The following ZFHX3 variants were observed in gnomAD, a reference collection of about 807,000 sequenced individuals.
ZFHX3 encodes zinc finger homeobox 3.
In ZFHX3, 42 loss-of-function variants were observed where a neutral mutation model predicts 279.1. That is an observed-to-expected ratio of 0.15 (90% CI 0.12 to 0.19). The LOEUF is 0.19. Ranked by LOEUF, ZFHX3 falls within the 10% of genes least tolerant of loss-of-function variation. The pLI, the probability that ZFHX3 is intolerant of heterozygous loss-of-function variation, is 1.00. For missense variants in ZFHX3, 4,981 were observed against 4,754.0 expected (o/e 1.05, Z -1.40); for synonymous variants, 2,293 against 1,957.8 (o/e 1.17, Z -4.52).
intron 4 of ZFHX3, among the ~76,000 whole-genome samples, chr16:72,879,002 G>A (rs1002951073): frequency 2.0e-5 from 3 of 152,168 alleles, no homozygotes; most frequent in African/African-American, 4.8e-5. Context: ...GGACAGGAAC[G>A]GCCCTGTGGA....
chr16:73,138,555 G>T (rs562871941), intron 6 of ZFHX3, among the ~76,000 whole-genome samples: 20 of 152,170 alleles, frequency 1.3e-4, no homozygotes, highest in Admixed American at 5.2e-4. Flanking sequence ...TAACCCCAGG[G>T]ATATAAAAAT....
chr16:73,663,777 A>G (rs1416913245), intron 2 of ZFHX3, among the ~76,000 whole-genome samples: 1 of 152,190 alleles, frequency 6.6e-6, no homozygotes, highest in African/African-American at 2.4e-5. Context: ...AAACAAAACC[A>G]AGATGGGTAG....
intron 2 of ZFHX3, among the ~76,000 whole-genome samples, chr16:73,457,739 C>A (rs2018398251): frequency 6.6e-6 from 1 of 152,234 alleles, no homozygotes; most frequent in Non-Finnish European, 1.5e-5. Flanking sequence ...TGCACCACTG[C>A]ACTCCGGCCT....
chr16:72,835,751 G>T (rs1395600770), intron 4 of ZFHX3, among the ~76,000 whole-genome samples: 1 of 152,080 alleles, frequency 6.6e-6, no homozygotes, highest in Non-Finnish European at 1.5e-5. Context: ...TCTAACTCCT[G>T]TGTAGGTGCG....
chr16:73,214,684 G>A (rs1221106520), intron 5 of ZFHX3, among the ~76,000 whole-genome samples: 1 of 152,072 alleles, frequency 6.6e-6, no homozygotes, highest in African/African-American at 2.4e-5. Context: ...ATACACCTGA[G>A]TACTACATGG....
chr16:73,129,049 A>T (rs978873491), intron 7 of ZFHX3, among the ~76,000 whole-genome samples: 2 of 152,092 alleles, frequency 1.3e-5, no homozygotes, highest in Admixed American at 6.6e-5. Flanking sequence ...TCCAAAGGGG[A>T]TAACACTGAC....
intron 2 of ZFHX3, among the ~76,000 whole-genome samples, chr16:73,527,451 C>G (rs1039516964): frequency 6.6e-6 from 1 of 152,154 alleles, no homozygotes; most frequent in African/African-American, 2.4e-5. Flanking sequence ...CCTCTGAGAG[C>G]CTTGGGGACC....
intron 3 of ZFHX3, among the ~76,000 whole-genome samples, chr16:73,329,716 G>A (rs968102620): frequency 1.3e-5 from 2 of 152,302 alleles, no homozygotes; most frequent in African/African-American, 4.8e-5. Context: ...GTGGGAAAGC[G>A]GAGAAGGGGG....
chr16:73,295,797 A>C (rs8052356), intron 4 of ZFHX3, among the ~76,000 whole-genome samples: 2,812 of 152,254 alleles, frequency 0.018, 55 homozygotes, highest in African/African-American at 0.05. Context: ...GATGGTAAGG[A>C]TGGAAGAGAT....
At chr16:73,467,870 C>T (rs577131707) in intron 2 of ZFHX3, among the ~76,000 whole-genome samples, 2 of 152,264 alleles carry the variant, frequency 1.3e-5, no homozygotes, top group Non-Finnish European at 2.9e-5. Context: ...GTCTGTCTAC[C>T]TTTCTGGGGC....
At chr16:73,002,086 A>G (rs1480375944) in intron 1 of ZFHX3, among the ~76,000 whole-genome samples, 3 of 152,196 alleles carry the variant, frequency 2.0e-5, no homozygotes, top group African/African-American at 7.2e-5. Context: ...GGTTGAAGAA[A>G]GAGTGAGGAG....
intron 5 of ZFHX3, among the ~76,000 whole-genome samples, chr16:73,177,051 A>C (rs1273826423): frequency 6.6e-6 from 1 of 152,132 alleles, no homozygotes; most frequent in East Asian, 1.9e-4. Flanking sequence ...CCTCAGACCA[A>C]AATACTCAAT....
At chr16:72,808,483 A>G (rs2036338609) in intron 7 of ZFHX3, among the ~76,000 whole-genome samples, 1 of 152,252 alleles carries the variant, frequency 6.6e-6, no homozygotes. Context: ...ATCCTTGCAT[A>G]TACATCTTTC....
At chr16:73,268,252 A>T (rs183495685) in intron 4 of ZFHX3, among the ~76,000 whole-genome samples, 45 of 152,294 alleles carry the variant, frequency 3.0e-4, no homozygotes, top group Admixed American at 5.9e-4. Context: ...AATTATTCCC[A>T]TATGGAGTAG....
intron 4 of ZFHX3, among the ~76,000 whole-genome samples, chr16:72,883,755 T>C (rs1300585111): frequency 1.3e-5 from 2 of 152,232 alleles, no homozygotes; most frequent in Non-Finnish European, 2.9e-5. Context: ...AGTCATGTTT[T>C]CCCCATGCCT....
rs1323151374 is a variant in ZFHX3, at chr16:73,286,725, G to T, written c.-1193-29589C>A. The stretch of plus-strand genomic sequence containing the variant: ...TGTGTGGGTGTGTGGGTTCATGTGT[G>T]GCTGTGTGGCTGTGTGGGTTGGTGT... On this transcript the variant is annotated intron_variant, in intron 4 of 17. Transcript: ENST00000641206. Among the ~76,000 whole-genome samples the T allele has an allele frequency of 2.0e-5, 3 of 150,878 alleles. No homozygotes were observed. In the East Asian group the frequency reaches 5.9e-4, roughly 30 times the overall value.
chr16:73,081,947 C>T (rs981765004), intron 8 of ZFHX3, among the ~76,000 whole-genome samples: 1 of 151,594 alleles, frequency 6.6e-6, no homozygotes, highest in Non-Finnish European at 1.5e-5. Flanking sequence ...AGGGATCCTC[C>T]TGCCTCAGCC....
At chr16:72,828,529 C>G (rs532040297) in intron 5 of ZFHX3, among the ~76,000 whole-genome samples, 1 of 152,162 alleles carries the variant, frequency 6.6e-6, no homozygotes, top group African/African-American at 2.4e-5. Flanking sequence ...GGTAAGATGT[C>G]CCCCTGCCTG....
intron 5 of ZFHX3, among the ~76,000 whole-genome samples, chr16:73,220,761 T>C (rs967283968): frequency 6.6e-6 from 1 of 151,194 alleles, no homozygotes; most frequent in Admixed American, 6.6e-5. Flanking sequence ...GCATTCTTTG[T>C]GTGTGTGTGT....
Sources: gnomAD v4.1 joint callset for allele counts (sites outside exome capture counted in the v4.1 genomes callset) on GRCh38, gnomAD v4.1.1 for gene constraint, MANE v1.5 for transcripts, NCBI Gene and HGNC (gene_info 2026-07-23, HGNC 2026-07-21) for gene names.